Variants in LRRC58 observed in about 807,000 individuals in gnomAD.
LRRC58 encodes the protein leucine rich repeat containing 58, also known as leucine-rich repeat-containing protein 58.
In LRRC58, 18 loss-of-function variants were observed where a neutral mutation model predicts 30.6. The observed-to-expected ratio is 0.59, with a 90% CI of 0.41 to 0.87. The LOEUF (loss-of-function observed/expected upper bound fraction) is 0.87. Ranked by LOEUF, LRRC58 falls within the 40% of genes least tolerant of loss-of-function variation. The pLI, the probability that LRRC58 is intolerant of heterozygous loss-of-function variation, is 0.00. For synonymous variants in LRRC58, 221 were observed against 206.0 expected, an observed-to-expected ratio of 1.07 and a Z score of -0.62; for missense variants, 420 against 468.4, an observed-to-expected ratio of 0.90 and a Z score of 0.95.
At position 120,335,939 on chromosome 3, in the gene LRRC58, T is replaced by G; in HGVS notation, c.515A>C (p.Tyr172Ser). The G allele has an allele frequency of 6.3e-7, 1 of 1,586,288 alleles. No individual in the cohort carries two copies. The highest frequency in any genetic ancestry group is 8.6e-7 in the Non-Finnish European group (1 of 1,156,604). ...TTCTTTAATGAAATTTCCTCCAAGA[T>G]ATAAACACTCTAAACTGCAAAAATA... is the stretch of plus-strand genomic sequence containing the variant. ...IENLQSLECL[Y>S]LGGNFIKEIP... is the part of the protein sequence containing the mutation. The change falls in exon 2 of 4, where the codon TAT (tyrosine) becomes TCT (serine). Residue 172 changes from tyrosine to serine, a missense_variant. Tyr to Ser is a moderately radical substitution (Grantham distance 144, BLOSUM62 -2). Coordinates refer to ENST00000295628, the MANE Select transcript of LRRC58 (RefSeq NM_001099678.2).
intron 1 of LRRC58, among the ~76,000 whole-genome samples, chr3:120,344,092 C>T (rs1331033572): frequency 6.6e-6 from 1 of 151,390 alleles, no homozygotes; most frequent in Non-Finnish European, 1.5e-5. Flanking sequence ...CAAACAACAA[C>T]AACAACAAAA....
At position 120,334,966 on chromosome 3, in the gene LRRC58, C is replaced by T. The variant is rs1935814442; in HGVS notation, c.803G>A (p.Arg268Gln). The stretch of plus-strand genomic sequence containing the variant: ...GGAAATATTTCGAATCTTAATGGTC[C>T]GTGCAGCTAATTCCAGGAGAGTTGG... Reference protein sequence around the residue: ...DPPTLLELAARTIKIRNISYT... With the variant: ...DPPTLLELAAQTIKIRNISYT... Residue 268 changes from arginine (R) to glutamine (Q), a missense_variant, in exon 3 of 4, where the codon CGG becomes CAG. Physicochemically the swap from Arg to Gln is conservative, Grantham distance 43. Around this residue, in one of 2 missense-constraint regions of LRRC58, gnomAD observed 154 missense variants for 216.8 expected, o/e 0.71. Transcript: ENST00000295628. The T allele has an allele frequency of 3.7e-6, 6 of 1,613,590 alleles. No homozygotes were observed. The highest frequency in any genetic ancestry group is 1.7e-5 in the Admixed American group (1 of 59,964).
At chr3:120,334,738 T>C (rs1449572150) in intron 3 of LRRC58, 124 bp downstream of exon 3, 4 of 925,322 alleles carry the variant, frequency 4.3e-6, no homozygotes, top group Non-Finnish European at 6.2e-6. Flanking sequence ...GTGAAATGTC[T>C]TTCTCATAAA....
chr3:120,331,850 T>C (rs976804882), intron 3 of LRRC58, among the ~76,000 whole-genome samples: 3 of 152,220 alleles, frequency 2.0e-5, no homozygotes, highest in Non-Finnish European at 4.4e-5. Flanking sequence ...AGAAAGGGGA[T>C]GACTTTTGGC....
Position 120,349,009 on chromosome 3 carries a change from C to A in LRRC58, c.235G>T (p.Ala79Ser). 6.6e-7 allele frequency: 1 copy of A among 1,520,620 alleles called. No individual in the cohort carries two copies. The highest frequency in any genetic ancestry group is 1.4e-5 in the African/African-American group (1 of 70,114). 94.2% of individuals were successfully genotyped at this position (1,520,620 alleles called of 1,614,324 possible). ...HLQLLDVSGNALTALGPELLA... is the reference protein window; with the variant it reads ...HLQLLDVSGNSLTALGPELLA... ...AGCTCCGGCCCGAGCGCGGTCAACG[C>A]GTTGCCGCTCACGTCCAGCAGCTGG... The change falls in exon 1 of 4, where the codon GCG (alanine) becomes TCG (serine). Residue 79 changes from alanine (A) to serine (S), a missense_variant. By Grantham distance (99) the Ala-to-Ser change is moderately conservative. Coordinates refer to ENST00000295628, the MANE Select transcript of LRRC58 (RefSeq NM_001099678.2).
chr3:120,327,679 T>C lies in LRRC58; in HGVS notation c.*3521A>G, dbSNP rs1935700667. ...AACATTATTGTGGACTGCTTTTTAC[T>C]TTAATTTACACAAACACAAAAACTG... On this transcript the variant is annotated 3_prime_UTR_variant, in exon 4 of 4. Coordinates refer to ENST00000295628, the MANE Select transcript of LRRC58 (RefSeq NM_001099678.2). The C allele has an allele frequency of 6.6e-6, 1 of 152,226 alleles. No homozygotes were observed. The highest frequency in any genetic ancestry group is 1.9e-4 in the East Asian group (1 of 5,198). The allele number at this position is 152,226 out of a possible 1,614,324, so 9.4% of individuals were successfully genotyped here.
At chr3:120,336,379 C>T (rs1251544861) in intron 1 of LRRC58, among the ~76,000 whole-genome samples, 1 of 152,156 alleles carries the variant, frequency 6.6e-6, no homozygotes, top group Non-Finnish European at 1.5e-5. Flanking sequence ...GAGTACACTT[C>T]AGGTTGGAGG....
At chr3:120,348,232 C>G (rs916079508) in intron 1 of LRRC58, among the ~76,000 whole-genome samples, 10 of 152,216 alleles carry the variant, frequency 6.6e-5, no homozygotes, top group Admixed American at 6.5e-4. Context: ...CCAGCAACTC[C>G]AAGCTGCTTT....
In LRRC58 at chr3:120,329,111, A is replaced by G. The variant is rs1242749750; in HGVS notation, c.*2089T>C. ...TAGAAGACTACTCAAGCAGTTACTT[A>G]AGTCAAGCTGGTAATTGATTAGGAA... is the stretch of plus-strand genomic sequence containing the variant. On this transcript the variant is annotated 3_prime_UTR_variant, in exon 4 of 4. Transcript: ENST00000295628. The G allele has an allele frequency of 1.3e-5, 2 of 152,184 alleles. No homozygotes were observed. The highest frequency in any genetic ancestry group is 4.8e-5 in the African/African-American group (2 of 41,456). 9.4% of individuals were successfully genotyped at this position (152,184 alleles called of 1,614,324 possible).
Position 120,349,085 on chromosome 3 carries a change from G to A in LRRC58, c.159C>T (p.His53=), listed in dbSNP as rs1936018232. The A allele has an allele frequency of 2.0e-6, 3 of 1,515,760 alleles. No individual in the cohort carries two copies. Among genetic ancestry groups the A allele is most frequent in the East Asian group, 5.3e-5 (2 of 37,558 alleles). 93.9% of individuals were successfully genotyped at this position (1,515,760 alleles called of 1,614,324 possible). A position where few individuals can be genotyped will look rare whatever the true frequency, so the allele number is the denominator to read the frequency against. The stretch of plus-strand genomic sequence containing the variant: ...CCCGTGGCAGCGACACCAGACGGTT[G>A]TGAGGCAGCAGCAGCCGCAGCAGCG... ...REALLRLLLP[H]NRLVSLPRAL... is the part of the protein sequence containing the mutation. Residue 53 remains histidine, a synonymous_variant, in exon 1 of 4, where the codon CAC becomes CAT. Coordinates refer to ENST00000295628, the MANE Select transcript of LRRC58 (RefSeq NM_001099678.2).
At position 120,331,067 on chromosome 3, in the gene LRRC58, T is replaced by A; in HGVS notation, c.*133A>T. ...GAATGGGTAGATGAAACACAAAATGTTTTATATCATCCCAGACTCTTTGAT... is the reference window on the plus strand; with the variant it reads ...GAATGGGTAGATGAAACACAAAATGATTTATATCATCCCAGACTCTTTGAT... On this transcript the variant is annotated 3_prime_UTR_variant, in exon 4 of 4. Coordinates refer to ENST00000295628, the MANE Select transcript of LRRC58 (RefSeq NM_001099678.2). 1.4e-6 allele frequency: 1 copy of A among 723,318 alleles called. No homozygotes were observed. Among genetic ancestry groups the A allele is most frequent in the Non-Finnish European group, 2.3e-6 (1 of 426,818 alleles). 44.8% of individuals were successfully genotyped at this position (723,318 alleles called of 1,614,324 possible).
At chr3:120,334,570 T>G (rs1935808391) in intron 3 of LRRC58, among the ~76,000 whole-genome samples, 1 of 152,124 alleles carries the variant, frequency 6.6e-6, no homozygotes, top group Non-Finnish European at 1.5e-5. Flanking sequence ...TAGAAACAGT[T>G]TTTAAACAAT....
intron 1 of LRRC58, among the ~76,000 whole-genome samples, chr3:120,343,891 T>C (rs543094571): frequency 1.6e-4 from 25 of 151,950 alleles, no homozygotes; most frequent in Admixed American, 1.4e-3. Context: ...AAAAAAAAAT[T>C]AGCCTGGTGT....
chr3:120,332,566 G>T (rs778295458), intron 3 of LRRC58, among the ~76,000 whole-genome samples: 2 of 152,028 alleles, frequency 1.3e-5, no homozygotes, highest in Non-Finnish European at 2.9e-5. Context: ...AAGCATTATG[G>T]GAGTTACTAC....
chr3:120,346,523 A>G (rs1935970721), intron 1 of LRRC58, among the ~76,000 whole-genome samples: 1 of 152,180 alleles, frequency 6.6e-6, no homozygotes, highest in South Asian at 2.1e-4. Context: ...AAGCATAGTT[A>G]GCACCTATGA....
At chr3:120,335,733 C>G in intron 2 of LRRC58, 92 bp downstream of exon 2, 1 of 1,093,924 alleles carries the variant, frequency 9.1e-7, no homozygotes, top group Non-Finnish European at 1.3e-6. Context: ...ATATCTAATT[C>G]TTTTCTACAT....
intron 3 of LRRC58, among the ~76,000 whole-genome samples, chr3:120,333,018 G>A (rs1446739882): frequency 1.3e-5 from 2 of 151,234 alleles, no homozygotes; most frequent in African/African-American, 4.9e-5. Context: ...CGTGAACCCC[G>A]GAGGCGGAGC....
At chr3:120,335,493 C>T (rs549198619) in intron 2 of LRRC58, among the ~76,000 whole-genome samples, 1 of 152,156 alleles carries the variant, frequency 6.6e-6, no homozygotes, top group South Asian at 2.1e-4. Context: ...AATTAAGATC[C>T]TTCATATTAT....
intron 1 of LRRC58, among the ~76,000 whole-genome samples, chr3:120,340,445 G>A (rs1037755440): frequency 6.6e-6 from 1 of 152,058 alleles, no homozygotes; most frequent in African/African-American, 2.4e-5. Flanking sequence ...TTATCTCTCT[G>A]AAATTAAAAA....
Sources: gnomAD v4.1 joint callset for allele counts (sites outside exome capture counted in the v4.1 genomes callset) on GRCh38, gnomAD v4.1.1 for gene constraint, gnomAD v4.1.1 regional missense constraint, MANE v1.5 for transcripts, NCBI Gene and HGNC (gene_info 2026-07-23, HGNC 2026-07-21) for gene names.